The following RANGAP1 variants were observed in gnomAD, a reference collection of about 807,000 sequenced individuals.
RANGAP1 encodes the protein Ran GTPase activating protein 1.
RANGAP1 carries 38 observed loss-of-function variants against 63.5 expected under a neutral mutation model. The ratio of observed to expected loss-of-function variants is 0.60; its 90% CI spans 0.46 to 0.78. The LOEUF (loss-of-function observed/expected upper bound fraction) is 0.78. Among genes scored for constraint, RANGAP1 ranks in the 30% least tolerant of loss-of-function variants. RANGAP1 has a pLI of 0.00. For synonymous variants in RANGAP1, 329 were observed against 310.5 expected, an observed-to-expected ratio of 1.06 and a Z score of -0.63; for missense variants, 630 against 740.3, an observed-to-expected ratio of 0.85 and a Z score of 1.73.
the RANGAP1 span, among the ~76,000 whole-genome samples, chr22:41,298,948 C>T: frequency 6.6e-6 from 1 of 152,092 alleles, no homozygotes; most frequent in African/African-American, 2.4e-5. Context: ...TGGTGAGGGC[C>T]GCCTTCCTGG....
intron 3 of RANGAP1, among the ~76,000 whole-genome samples, chr22:41,272,487 G>A (rs1172991666): frequency 6.6e-6 from 1 of 152,102 alleles, no homozygotes; most frequent in South Asian, 2.1e-4. Context: ...ACTGATCTCA[G>A]GAGTGTGATG....
chr22:41,301,992 G>A, the RANGAP1 span, among the ~76,000 whole-genome samples: 1 of 152,146 alleles, frequency 6.6e-6, no homozygotes. Flanking sequence ...CCTTTTTGGG[G>A]ATCCCGGTCC....
Position 41,256,212 on chromosome 22 carries a change from G to A in RANGAP1, c.967C>T (p.Leu323=). Residue 323 remains leucine, a synonymous_variant, in exon 9 of 16, where the codon CTG becomes TTG. Transcript: ENST00000356244. ...CTACCATTCAGGTCCAGCTTCTCCAGCTCAGCTTTGTCTGCCATGGCCTCA... is the reference window on the plus strand; with the variant it reads ...CTACCATTCAGGTCCAGCTTCTCCAACTCAGCTTTGTCTGCCATGGCCTCA... ...VAEAMADKAE[L]EKLDLNGNTL... 1 of 1,614,146 alleles carries A rather than the reference G, an allele frequency of 6.2e-7. No individual in the cohort carries two copies. The highest frequency in any genetic ancestry group is 1.1e-5 in the South Asian group (1 of 91,082).
At chr22:41,284,933 G>A (rs1296942578) in intron 1 of RANGAP1, 1 of 152,172 alleles carries the variant, frequency 6.6e-6, no homozygotes, top group East Asian at 1.9e-4. Context: ...GGCTAGGCGG[G>A]AAGATCACTT....
chr22:41,247,606 C>G (rs1013437910), intron 15 of RANGAP1, among the ~76,000 whole-genome samples: 6 of 152,238 alleles, frequency 3.9e-5, no homozygotes, highest in Non-Finnish European at 7.3e-5. Context: ...GTTGCCTCAG[C>G]TTCCCAAAGT....
At chr22:41,264,944 G>A (rs534078320) in intron 4 of RANGAP1, 101 bp from the exon 5 acceptor site, 15 of 1,239,772 alleles carry the variant, frequency 1.2e-5, no homozygotes, top group East Asian at 4.7e-5. Context: ...AGGACACCCC[G>A]GCTGGTGCAG....
At chr22:41,271,610 C>T (rs570509145) in intron 3 of RANGAP1, among the ~76,000 whole-genome samples, 407 of 151,458 alleles carry the variant, frequency 2.7e-3, no homozygotes, top group African/African-American at 9.6e-3. Context: ...AGGAGAATGG[C>T]ATGAACCCGG....
chr22:41,267,390 C>T (rs898433860), intron 4 of RANGAP1, among the ~76,000 whole-genome samples: 15 of 152,106 alleles, frequency 9.9e-5, no homozygotes, highest in Non-Finnish European at 1.9e-4. Context: ...GGCTCAGTAA[C>T]ATCAATGTGC....
chr22:41,248,521 A>G (rs1601581693), intron 15 of RANGAP1, among the ~76,000 whole-genome samples: 1 of 152,206 alleles, frequency 6.6e-6, no homozygotes, highest in South Asian at 2.1e-4. Context: ...GGGCTCCCCC[A>G]GCAAAGGGAC....
At chr22:41,272,687 A>T (rs964309634) in intron 3 of RANGAP1, among the ~76,000 whole-genome samples, 1 of 151,824 alleles carries the variant, frequency 6.6e-6, no homozygotes, top group Non-Finnish European at 1.5e-5. Context: ...CACCCAGCAA[A>T]TTTTTGTATT....
chr22:41,284,692 C>T (rs1234929586), intron 1 of RANGAP1, among the ~76,000 whole-genome samples: 3 of 151,938 alleles, frequency 2.0e-5, no homozygotes, highest in East Asian at 1.9e-4. Context: ...GGCAGTATGC[C>T]GAAACCCTGT....
intron 2 of RANGAP1, among the ~76,000 whole-genome samples, chr22:41,276,418 A>G (rs924653366): frequency 4.7e-5 from 7 of 150,122 alleles, no homozygotes; most frequent in Non-Finnish European, 8.9e-5. Flanking sequence ...CCTGAGGATC[A>G]CCTGAGGTCA....
intron 15 of RANGAP1, among the ~76,000 whole-genome samples, chr22:41,248,079 G>C (rs2033173311): frequency 6.6e-6 from 1 of 152,156 alleles, no homozygotes. Context: ...GCGCAGACGG[G>C]GGCTGGGGCC....
At chr22:41,262,140 G>A (rs2034207413) in intron 5 of RANGAP1, among the ~76,000 whole-genome samples, 1 of 152,144 alleles carries the variant, frequency 6.6e-6, no homozygotes, top group Non-Finnish European at 1.5e-5. Context: ...ACCTGCCTGT[G>A]CCTAAAAGCT....
intron 2 of RANGAP1, among the ~76,000 whole-genome samples, chr22:41,278,706 G>GC (rs1416183773): frequency 6.6e-6 from 1 of 152,202 alleles, no homozygotes; most frequent in Non-Finnish European, 1.5e-5. Context: ...TTATAAAACA[G>GC]CAACATTCCA....
intron 13 of RANGAP1, among the ~76,000 whole-genome samples, chr22:41,250,480 G>C (rs2033369141): frequency 6.6e-6 from 1 of 152,244 alleles, no homozygotes; most frequent in Non-Finnish European, 1.5e-5. Context: ...CAAGCACATG[G>C]AAACAGGGTG....
At chr22:41,282,301 A>G (rs2035536038) in intron 1 of RANGAP1, 1 of 152,122 alleles carries the variant, frequency 6.6e-6, no homozygotes, top group Non-Finnish European at 1.5e-5. Flanking sequence ...CTCTATCTCT[A>G]AAAGTAACTA....
At position 41,248,617 on chromosome 22, in the gene RANGAP1, C is replaced by T. The variant is rs78566434; in HGVS notation, c.1694+713G>A. Among the ~76,000 whole-genome samples, 218 of 152,350 alleles carry T rather than the reference C, an allele frequency of 1.4e-3. 1 individual carries two copies. The highest frequency in any genetic ancestry group is 5.1e-3 in the African/African-American group (214 of 41,586). On this transcript the variant is annotated intron_variant, in intron 15 of 15. Coordinates refer to ENST00000356244, the MANE Select transcript of RANGAP1 (RefSeq NM_002883.4). ...TGGTCAGGGCGCTTGGAGACAATCTCACCTAACCCCCCGGTTGGACAAATG... is the reference window on the plus strand; with the variant it reads ...TGGTCAGGGCGCTTGGAGACAATCTTACCTAACCCCCCGGTTGGACAAATG...
At chr22:41,250,400 G>C (rs2033363060) in intron 13 of RANGAP1, among the ~76,000 whole-genome samples, 1 of 152,110 alleles carries the variant, frequency 6.6e-6, no homozygotes, top group African/African-American at 2.4e-5. Flanking sequence ...CGTCCCCCTC[G>C]CCTCAGGGCC....
Sources: allele counts gnomAD v4.1 joint callset (sites outside exome capture counted in the v4.1 genomes callset), GRCh38; gene constraint gnomAD v4.1.1; transcripts MANE v1.5; gene names NCBI Gene and HGNC (gene_info 2026-07-23, HGNC 2026-07-21).